The following NOX3 variants were observed in gnomAD, a reference collection of about 807,000 sequenced individuals.
The protein encoded by NOX3 is NADPH oxidase 3.
Under a neutral mutation model 76.7 loss-of-function variants are expected in NOX3, and 74 were observed. That is an observed-to-expected ratio of 0.96 (90% CI 0.80 to 1.17). The LOEUF (loss-of-function observed/expected upper bound fraction) is 1.17, where lower values mean the gene tolerates loss of function less well. NOX3 is among the 50% of genes most tolerant of loss of function. NOX3 has a pLI of 0.00. For missense variants in NOX3, 695 were observed against 703.3 expected (o/e 0.99, Z 0.13); for synonymous variants, 263 against 261.1 (o/e 1.01, Z -0.07).
chr6:155,409,821 AT>A (rs772350910), intron 11 of NOX3, among the ~76,000 whole-genome samples: 20 of 152,310 alleles, frequency 1.3e-4, no homozygotes, highest in African/African-American at 4.6e-4. Flanking sequence ...TAGAAAAAAA[AT>A]ATATGTTTTA....
intron 4 of NOX3, among the ~76,000 whole-genome samples, chr6:155,453,046 A>C (rs1315940068): frequency 6.6e-6 from 1 of 152,066 alleles, no homozygotes; most frequent in African/African-American, 2.4e-5. Context: ...TTTTCCTACG[A>C]CTGTGAATGA....
chr6:155,447,626 T>C (rs758840992), intron 4 of NOX3, among the ~76,000 whole-genome samples: 1 of 152,228 alleles, frequency 6.6e-6, no homozygotes, highest in Non-Finnish European at 1.5e-5. Context: ...CACTTTAAAG[T>C]TCATGTCTTA....
At chr6:155,407,358 T>C (rs2114678092) in intron 11 of NOX3, 104 bp from the exon 12 acceptor site, 11 of 1,121,850 alleles carry the variant, frequency 9.8e-6, no homozygotes, top group Non-Finnish European at 1.4e-5. Flanking sequence ...TAATTAAAAA[T>C]GTGTACAGGG....
chr6:155,402,601 T>A (rs1779246297), intron 12 of NOX3, among the ~76,000 whole-genome samples: 1 of 152,200 alleles, frequency 6.6e-6, no homozygotes, highest in Non-Finnish European at 1.5e-5. Context: ...AATTTTCTGG[T>A]TCCTTTATAG....
chr6:155,410,969 T>A lies in NOX3; in HGVS notation c.1455+245A>T, dbSNP rs550837648. ...TGGGATTTCCAGCCTCTGGATTGTCTTCCATTGTCTGACCCTTTCTATTCC... is the reference window on the plus strand; with the variant it reads ...TGGGATTTCCAGCCTCTGGATTGTCATCCATTGTCTGACCCTTTCTATTCC... On this transcript the variant is annotated intron_variant, in intron 11 of 13. Transcript: ENST00000159060. Among the ~76,000 whole-genome samples the A allele has an allele frequency of 5.9e-5, 9 of 152,364 alleles. No individual in the cohort carries two copies. In the East Asian group the frequency reaches 1.3e-3, roughly 23 times the overall value.
At chr6:155,406,608 T>C (rs1207904214) in intron 12 of NOX3, among the ~76,000 whole-genome samples, 2 of 152,228 alleles carry the variant, frequency 1.3e-5, no homozygotes, top group African/African-American at 2.4e-5. Flanking sequence ...GAAAGCACTA[T>C]TATTTTCTGC....
chr6:155,444,300 C>A (rs1777032947), intron 4 of NOX3, among the ~76,000 whole-genome samples: 1 of 152,226 alleles, frequency 6.6e-6, no homozygotes, highest in Non-Finnish European at 1.5e-5. Flanking sequence ...ATGATGAAAT[C>A]TCATGCCATC....
intron 5 of NOX3, among the ~76,000 whole-genome samples, chr6:155,442,693 C>G (rs1487129981): frequency 6.6e-6 from 1 of 152,130 alleles, no homozygotes; most frequent in Non-Finnish European, 1.5e-5. Context: ...CTTTTTGTTC[C>G]CCATAGCTGC....
chr6:155,455,169 C>A, intron 1 of NOX3, 40 bp from the exon 2 acceptor site: 1 of 1,313,484 alleles, frequency 7.6e-7, no homozygotes, highest in East Asian at 2.3e-5. Flanking sequence ...TTACTACCTT[C>A]AAGCTTTTTC....
intron 11 of NOX3, among the ~76,000 whole-genome samples, chr6:155,408,302 T>C (rs1393932943): frequency 3.3e-5 from 5 of 152,194 alleles, no homozygotes; most frequent in Non-Finnish European, 4.4e-5. Context: ...ATGTTTTAAG[T>C]TGCTGTCATT....
At chr6:155,446,641 C>T (rs987880675) in intron 4 of NOX3, among the ~76,000 whole-genome samples, 1 of 152,088 alleles carries the variant, frequency 6.6e-6, no homozygotes, top group Non-Finnish European at 1.5e-5. Context: ...AATTATCATA[C>T]CTGATTTTTA....
chr6:155,450,683 C>T (rs1204146614), intron 4 of NOX3, among the ~76,000 whole-genome samples: 1 of 152,168 alleles, frequency 6.6e-6, no homozygotes, highest in African/African-American at 2.4e-5. Flanking sequence ...ACCCATTTAG[C>T]ACCATGAGGA....
At chr6:155,442,761 C>T (rs1275107272) in intron 5 of NOX3, among the ~76,000 whole-genome samples, 1 of 152,190 alleles carries the variant, frequency 6.6e-6, no homozygotes. Flanking sequence ...ATGCAGGTCT[C>T]ATTATGAAAT....
Position 155,408,542 on chromosome 6 carries a change from G to A in NOX3, c.1456-1288C>T, listed in dbSNP as rs1776494514. ...CTGACCTTCTCTCCAGTCTAAAAAA[G>A]TAGTTGAATCTAGGGAGGTTCAGCT... On this transcript the variant is annotated intron_variant, in intron 11 of 13. Coordinates refer to ENST00000159060, the MANE Select transcript of NOX3 (RefSeq NM_015718.3). Among the ~76,000 whole-genome samples, 4 of 152,108 alleles carry A rather than the reference G, an allele frequency of 2.6e-5. No individual in the cohort carries two copies. In the South Asian group the frequency reaches 8.3e-4, roughly 32 times the overall value.
chr6:155,446,289 A>G (rs1777064256), intron 4 of NOX3, among the ~76,000 whole-genome samples: 1 of 152,148 alleles, frequency 6.6e-6, no homozygotes, highest in South Asian at 2.1e-4. Context: ...AATATGCTAC[A>G]TGCAAAATGG....
intron 5 of NOX3, among the ~76,000 whole-genome samples, chr6:155,440,728 G>A (rs1227870398): frequency 6.6e-6 from 1 of 151,392 alleles, no homozygotes; most frequent in Non-Finnish European, 1.5e-5. Context: ...TGAAATTAGG[G>A]CAGCATGAAA....
intron 4 of NOX3, among the ~76,000 whole-genome samples, chr6:155,447,048 C>CA (rs758151273): frequency 7.0e-6 from 1 of 143,822 alleles, no homozygotes; most frequent in Non-Finnish European, 1.5e-5. Context: ...TATTTTATAA[C>CA]TTTTTTTTTT....
intron 13 of NOX3, among the ~76,000 whole-genome samples, chr6:155,396,183 G>GTCC (rs1779136001): frequency 5.3e-5 from 8 of 152,330 alleles, no homozygotes; most frequent in Admixed American, 5.2e-4. Context: ...AAAGGGATAG[G>GTCC]AAAGGGATGA....
intron 10 of NOX3, among the ~76,000 whole-genome samples, chr6:155,412,463 A>G (rs1776563639): frequency 6.6e-6 from 1 of 152,216 alleles, no homozygotes. Flanking sequence ...AATTATTTGT[A>G]AGAGTAAAAG....
Sources: allele counts gnomAD v4.1 joint callset (sites outside exome capture counted in the v4.1 genomes callset), GRCh38; gene constraint gnomAD v4.1.1; transcripts MANE v1.5; gene names NCBI Gene and HGNC (gene_info 2026-07-23, HGNC 2026-07-21).